Variants in CCT6A observed in about 807,000 individuals in gnomAD.
CCT6A encodes the protein chaperonin containing TCP1 subunit 6A.
CCT6A carries 6 observed loss-of-function variants against 58.6 expected under a neutral mutation model. The ratio of observed to expected loss-of-function variants is 0.10; its 90% CI spans 0.06 to 0.20. CCT6A has a LOEUF of 0.20. CCT6A is among the 10% of genes least tolerant of loss of function. CCT6A has a pLI of 1.00. For missense variants in CCT6A, 516 were observed against 648.8 expected (o/e 0.80, Z 2.22); for synonymous variants, 245 against 227.8 (o/e 1.08, Z -0.68).
intron 1 of CCT6A, 43 bp from the exon 2 acceptor site, chr7:56,052,379 G>T: frequency 6.4e-7 from 1 of 1,572,568 alleles, no homozygotes; most frequent in African/African-American, 1.4e-5. Context: ...TTTAGTTATC[G>T]TTGAAAAAGT....
At chr7:56,059,933 C>T in intron 9 of CCT6A, 2 of 407,592 alleles carry the variant, frequency 4.9e-6, no homozygotes, top group Admixed American at 4.1e-5. Context: ...AACTCCCGGG[C>T]TCAGGCTGTC....
chr7:56,054,567 A>G (rs1460824706), intron 3 of CCT6A, 64 bp downstream of exon 3: 2 of 1,498,718 alleles, frequency 1.3e-6, no homozygotes, highest in East Asian at 2.3e-5. Context: ...TATTTATACA[A>G]ATTGATGTGC....
chr7:56,055,170 A>G (rs1794279447), intron 3 of CCT6A, among the ~76,000 whole-genome samples: 1 of 152,200 alleles, frequency 6.6e-6, no homozygotes, highest in South Asian at 2.1e-4. Context: ...GCTACTTGGG[A>G]AGCTGAGGCA....
chr7:56,052,402 C>A lies in CCT6A; in HGVS notation c.138-20C>A, dbSNP rs759707075. On this transcript the variant is annotated intron_variant, in intron 1 of 13. Coordinates refer to ENST00000275603, the MANE Select transcript of CCT6A (RefSeq NM_001762.4). ...TCGTTGAAAAAGTCATAGTCTGGTTCATTTCTGTCCTTTAAACAGGCTCGT... is the reference window on the plus strand; with the variant it reads ...TCGTTGAAAAAGTCATAGTCTGGTTAATTTCTGTCCTTTAAACAGGCTCGT... 8.1e-6 allele frequency: 13 copies of A among 1,610,366 alleles called. No homozygotes were observed. Among genetic ancestry groups the A allele is most frequent in the Admixed American group, 1.7e-5 (1 of 59,934 alleles).
rs1448995656 is a variant in CCT6A, at chr7:56,051,811, CACT to C, written c.-37_-35del. ...CCGGCCACGCCGCGCCGGCTCTGGG[CACT>C]CAGCATCGTTTCCTTTTCCTCCGCT... On this transcript the variant is annotated 5_prime_UTR_variant, in exon 1 of 14. Transcript: ENST00000275603. 1 of 1,545,238 alleles carries C rather than the reference CACT, an allele frequency of 6.5e-7. No homozygotes were observed. The highest frequency in any genetic ancestry group is 8.7e-7 in the Non-Finnish European group (1 of 1,145,296).
intron 3 of CCT6A, chr7:56,055,231 G>A (rs1794281153): frequency 1.6e-5 from 4 of 251,276 alleles, no homozygotes; most frequent in Non-Finnish European, 3.2e-5. Flanking sequence ...TCGAGATTGT[G>A]CCATTGTACT....
intron 9 of CCT6A, 133 bp from the exon 10 acceptor site, chr7:56,060,136 A>C (rs935078433): frequency 2.9e-6 from 2 of 681,842 alleles, no homozygotes; most frequent in African/African-American, 3.6e-5. Context: ...ATTTTTCAAA[A>C]GGAGATAATT....
intron 6 of CCT6A, 63 bp from the exon 7 acceptor site, chr7:56,058,299 C>A: frequency 8.1e-7 from 1 of 1,237,548 alleles, no homozygotes; most frequent in Non-Finnish European, 1.1e-6. Context: ...AGGACTAATC[C>A]AGTTTCAGAA....
Position 56,060,578 on chromosome 7 carries a change from A to G in CCT6A, c.1213+162A>G, listed in dbSNP as rs139875769. On this transcript the variant is annotated intron_variant, in intron 10 of 13. Coordinates refer to ENST00000275603, the MANE Select transcript of CCT6A (RefSeq NM_001762.4). The stretch of plus-strand genomic sequence containing the variant: ...GGTATGCTAAGGTTTTTCATAGCAT[A>G]TCATTATTAAAGGTGAATACAAATA... 1.4e-3 allele frequency: 1,301 copies of G among 942,738 alleles called. 10 individuals are homozygous for G. The African/African-American group carries it at 0.017, about 12-fold the overall frequency. The allele number at this position is 942,738 out of a possible 1,614,324, so 58.4% of individuals were successfully genotyped here.
At chr7:56,059,432 A>T (rs1794384231) in intron 8 of CCT6A, 112 bp from the exon 9 acceptor site, 2 of 681,652 alleles carry the variant, frequency 2.9e-6, no homozygotes, top group South Asian at 3.3e-5. Context: ...GTACATTTTA[A>T]AATTTAATTT....
intron 1 of CCT6A, 52 bp downstream of exon 1, chr7:56,052,037 T>C (rs3735665): frequency 1.5e-6 from 2 of 1,366,886 alleles, no homozygotes; most frequent in Non-Finnish European, 1.9e-6. Flanking sequence ...GCCGCCGCGC[T>C]CCTGGCGGGC....
At chr7:56,053,972 A>G (rs1447165073) in intron 2 of CCT6A, among the ~76,000 whole-genome samples, 1 of 152,218 alleles carries the variant, frequency 6.6e-6, no homozygotes, top group African/African-American at 2.4e-5. Context: ...TTTCTTTGAA[A>G]AAATTACAAA....
At position 56,058,720 on chromosome 7, in the gene CCT6A, CT is replaced by C. The variant is rs745543865; in HGVS notation, c.968+22del. 7.0e-7 allele frequency: 1 copy of C among 1,425,580 alleles called. No individual in the cohort carries two copies. The highest frequency in any genetic ancestry group is 1.2e-5 in the South Asian group (1 of 82,620). The allele number at this position is 1,425,580 out of a possible 1,614,324, so 88.3% of individuals were successfully genotyped here. On this transcript the variant is annotated intron_variant, in intron 8 of 13. Coordinates refer to ENST00000275603, the MANE Select transcript of CCT6A (RefSeq NM_001762.4). ...ATGGAGAGGTATCCGAGTAATTTGACTTTTACTCATTTTGCAAGTGAATTGG... is the reference window on the plus strand; with the variant it reads ...ATGGAGAGGTATCCGAGTAATTTGACTTTACTCATTTTGCAAGTGAATTGG...
At chr7:56,061,224 T>TG (rs1794424242) in intron 11 of CCT6A, among the ~76,000 whole-genome samples, 1 of 152,228 alleles carries the variant, frequency 6.6e-6, no homozygotes, top group Non-Finnish European at 1.5e-5. Flanking sequence ...TTTAAACTGA[T>TG]ATCATTGTTT....
In CCT6A at chr7:56,052,215, C is replaced by T. The variant is rs548694721; in HGVS notation, c.138-207C>T. On this transcript the variant is annotated intron_variant, in intron 1 of 13. Transcript: ENST00000275603. ...AAGCGGCTCTAGAGCGCGGCGTTCCCCGCCCTCTGGGGCTTCCAGGCACCC... is the reference window on the plus strand; with the variant it reads ...AAGCGGCTCTAGAGCGCGGCGTTCCTCGCCCTCTGGGGCTTCCAGGCACCC... Among the ~76,000 whole-genome samples, 661 of 152,352 alleles carry T rather than the reference C, an allele frequency of 4.3e-3. 18 individuals are homozygous for T. The highest frequency in any genetic ancestry group is 9.7e-4 in the Non-Finnish European group (66 of 68,034).
At chr7:56,059,477 T>TA in intron 8 of CCT6A, 67 bp from the exon 9 acceptor site, 3 of 815,232 alleles carry the variant, frequency 3.7e-6, no homozygotes, top group Non-Finnish European at 6.5e-6. Flanking sequence ...TCCTAAAAAT[T>TA]ACTGGTCTTA....
At chr7:56,061,548 T>G in intron 11 of CCT6A, 199 bp from the exon 12 acceptor site, 1 of 333,590 alleles carries the variant, frequency 3.0e-6, no homozygotes, top group Non-Finnish European at 5.5e-6. Flanking sequence ...GGTTTCACCA[T>G]GTTGGCCAGG....
At chr7:56,058,286 C>T in intron 6 of CCT6A, 76 bp from the exon 7 acceptor site, 2 of 1,145,556 alleles carry the variant, frequency 1.7e-6, no homozygotes, top group South Asian at 1.6e-5. Flanking sequence ...ACTGTTAAAT[C>T]TTAGGACTAA....
rs1794506478 is a variant in CCT6A, at chr7:56,063,062, G to A, written c.1573G>A (p.Gly525Arg). The A allele has an allele frequency of 6.2e-7, 1 of 1,611,262 alleles. No homozygotes were observed. The highest frequency in any genetic ancestry group is 1.1e-5 in the South Asian group (1 of 91,036). The change falls in exon 14 of 14, where the codon GGA (glycine) becomes AGA (arginine). Residue 525 changes from glycine to arginine, a missense_variant. This residue lies in a region of CCT6A where 315 missense variants were observed against 389.4 expected (regional missense o/e 0.81). Coordinates refer to ENST00000275603, the MANE Select transcript of CCT6A (RefSeq NM_001762.4). ...ILLVDEIMRA[G>R]MSSLKG ...CTTGGTTGATGAGATCATGCGAGCT[G>A]GAATGTCTTCTCTGAAAGGTTGAAT...
Sources: allele counts gnomAD v4.1 joint callset (sites outside exome capture counted in the v4.1 genomes callset), GRCh38; gene constraint gnomAD v4.1.1; regional missense constraint gnomAD v4.1.1; transcripts MANE v1.5; gene names NCBI Gene and HGNC (gene_info 2026-07-23, HGNC 2026-07-21).